Variants in CDH13 observed in about 807,000 individuals in gnomAD.
CDH13 encodes the protein cadherin-13.
Under a neutral mutation model 63.8 loss-of-function variants are expected in CDH13, and 24 were observed. That is an observed-to-expected ratio of 0.38 (90% confidence interval 0.27 to 0.53). The LOEUF is 0.53. Among genes scored for constraint, CDH13 ranks in the 20% least tolerant of loss-of-function variants. The pLI is 0.85. For synonymous variants in CDH13, 503 were observed against 355.3 expected, an observed-to-expected ratio of 1.42 and a Z score of -4.67; for missense variants, 1,049 against 903.1, an observed-to-expected ratio of 1.16 and a Z score of -2.07.
At position 83,160,254 on chromosome 16, in the gene CDH13, A is replaced by T. The variant is rs1174610348; in HGVS notation, c.483+34753A>T. Among the ~76,000 whole-genome samples, 4 of 152,164 alleles carry T rather than the reference A, an allele frequency of 2.6e-5. No individual in the cohort carries two copies. In the East Asian group the frequency reaches 7.7e-4, roughly 29 times the overall value. On this transcript the variant is annotated intron_variant, in intron 4 of 13. Transcript: ENST00000567109. ...CAAATGTACCACTCTGGTGGGGGTCATTGGTAATGAGGGAGGCTACATGTG... is the reference window on the plus strand; with the variant it reads ...CAAATGTACCACTCTGGTGGGGGTCTTTGGTAATGAGGGAGGCTACATGTG...
chr16:82,627,668 C>T (rs1387589325), intron 1 of CDH13, among the ~76,000 whole-genome samples: 1 of 152,110 alleles, frequency 6.6e-6, no homozygotes, highest in Non-Finnish European at 1.5e-5. Flanking sequence ...AGCCCGGCTG[C>T]CCGCTGGAAG....
chr16:83,754,685 T>C (rs1327565061), intron 11 of CDH13, among the ~76,000 whole-genome samples: 2 of 152,196 alleles, frequency 1.3e-5, no homozygotes, highest in Admixed American at 6.5e-5. Context: ...CCTCATTCTC[T>C]CTTTGCCTGC....
At chr16:82,777,499 A>G (rs1469808126) in intron 1 of CDH13, among the ~76,000 whole-genome samples, 1 of 152,244 alleles carries the variant, frequency 6.6e-6, no homozygotes, top group African/African-American at 2.4e-5. Flanking sequence ...GAGCTGAAAC[A>G]TCAGGTAGAT....
chr16:83,256,630 G>C (rs1214019402), intron 5 of CDH13, among the ~76,000 whole-genome samples: 1 of 147,216 alleles, frequency 6.8e-6, no homozygotes, highest in East Asian at 2.0e-4. Flanking sequence ...AGGAGATGGA[G>C]GCCATCCTGG....
intron 1 of CDH13, among the ~76,000 whole-genome samples, chr16:82,660,215 T>C (rs1183934786): frequency 6.6e-6 from 1 of 152,048 alleles, no homozygotes; most frequent in Non-Finnish European, 1.5e-5. Flanking sequence ...CTCAACAAAT[T>C]GAGTATCTTG....
intron 7 of CDH13, among the ~76,000 whole-genome samples, chr16:83,591,681 C>T (rs1906768439): frequency 6.6e-6 from 1 of 152,206 alleles, no homozygotes; most frequent in African/African-American, 2.4e-5. Context: ...CTTACATTAA[C>T]CTGAAGCCAC....
At chr16:82,882,820 C>A (rs1179337550) in intron 2 of CDH13, among the ~76,000 whole-genome samples, 2 of 152,134 alleles carry the variant, frequency 1.3e-5, no homozygotes, top group East Asian at 3.9e-4. Context: ...TATTCACTCT[C>A]TCTGATGTGG....
At chr16:83,385,088 A>G (rs1441743716) in intron 6 of CDH13, among the ~76,000 whole-genome samples, 1 of 152,234 alleles carries the variant, frequency 6.6e-6, no homozygotes, top group African/African-American at 2.4e-5. Flanking sequence ...TGGGTCATGA[A>G]ATTGCATGCA....
intron 10 of CDH13, among the ~76,000 whole-genome samples, chr16:83,743,342 C>T (rs396527): frequency 0.96 from 145,805 of 152,284 alleles, 70,017 homozygotes; most frequent in Middle Eastern, 1. Context: ...TGTAAAATCA[C>T]CCAAACCCTG....
intron 1 of CDH13, among the ~76,000 whole-genome samples, chr16:82,716,293 C>T (rs1016480057): frequency 2.6e-5 from 4 of 152,060 alleles, no homozygotes; most frequent in South Asian, 2.1e-4. Context: ...CAGCCCATCC[C>T]GAGCCTGCTT....
chr16:83,620,971 T>G (rs1361997138), intron 8 of CDH13, among the ~76,000 whole-genome samples: 2 of 152,102 alleles, frequency 1.3e-5, no homozygotes, highest in Non-Finnish European at 2.9e-5. Context: ...CCCCAGCCAG[T>G]GTGAATATCT....
At chr16:82,806,588 T>A (rs938265758) in intron 1 of CDH13, among the ~76,000 whole-genome samples, 3 of 152,162 alleles carry the variant, frequency 2.0e-5, no homozygotes, top group Admixed American at 6.5e-5. Context: ...TAAGGAAAGG[T>A]CTTATTTAAT....
intron 8 of CDH13, among the ~76,000 whole-genome samples, chr16:83,658,735 CAGGTCCCATGTCCTCACCAGCA>C (rs1187027388): frequency 2.7e-5 from 4 of 149,460 alleles, no homozygotes; most frequent in African/African-American, 1.0e-4. Flanking sequence ...TCCTCACCAC[CAGGTCCCATGTCCTCACCAGCA>C]AGGTCCCATA....
chr16:82,820,845 C>T (rs2037971503), intron 1 of CDH13, among the ~76,000 whole-genome samples: 1 of 152,162 alleles, frequency 6.6e-6, no homozygotes, highest in Non-Finnish European at 1.5e-5. Context: ...TGGAGTATAA[C>T]AACCAACGTT....
intron 8 of CDH13, among the ~76,000 whole-genome samples, chr16:83,661,252 C>T (rs746333612): frequency 7.9e-5 from 12 of 152,184 alleles, no homozygotes; most frequent in South Asian, 2.1e-4. Context: ...TTTGCGGGAC[C>T]AAGACAGGAG....
intron 3 of CDH13, among the ~76,000 whole-genome samples, chr16:83,107,939 C>G (rs1396286525): frequency 6.6e-6 from 1 of 152,026 alleles, no homozygotes; most frequent in Non-Finnish European, 1.5e-5. Flanking sequence ...CTGCCTCAGC[C>G]TCCCGATTAG....
At position 83,047,221 on chromosome 16, in the gene CDH13, C is replaced by A. The variant is rs1426095655; in HGVS notation, c.366+15003C>A. Among the ~76,000 whole-genome samples the A allele has an allele frequency of 6.6e-6, 1 of 151,618 alleles. No homozygotes were observed. The highest frequency in any genetic ancestry group is 6.6e-5 in the Admixed American group (1 of 15,130). ...GACCACCTCCTGCCCCTCACTCTTA[C>A]TCCAGAGGCCTGTGTATTTATTTAT... On this transcript the variant is annotated intron_variant, in intron 3 of 13. Transcript: ENST00000567109. This position sits in a 1 kb window ranked among gnomAD's most constrained non-coding sequence, Gnocchi z 4.9.
intron 2 of CDH13, among the ~76,000 whole-genome samples, chr16:82,970,331 A>G (rs578019994): frequency 7.1e-6 from 1 of 139,904 alleles, no homozygotes; most frequent in African/African-American, 2.6e-5. Context: ...TCTATCATTG[A>G]TGGGCATTTG....
intron 4 of CDH13, among the ~76,000 whole-genome samples, chr16:83,134,717 T>G (rs1344229293): frequency 6.6e-6 from 1 of 151,772 alleles, no homozygotes; most frequent in Non-Finnish European, 1.5e-5. Context: ...TCTAACTTAT[T>G]TTTGCTAAGT....
Sources: gnomAD v4.1 joint callset for allele counts (sites outside exome capture counted in the v4.1 genomes callset) on GRCh38, gnomAD v4.1.1 for gene constraint, Gnocchi (gnomAD v3.1) non-coding constraint, MANE v1.5 for transcripts, NCBI Gene and HGNC (gene_info 2026-07-23, HGNC 2026-07-21) for gene names.